The following ATP13A3 variants were observed in gnomAD, a reference collection of about 807,000 sequenced individuals.
The protein encoded by ATP13A3 is ATPase 13A3.
In ATP13A3, 59 loss-of-function variants were observed where a neutral mutation model predicts 158.1. The observed-to-expected ratio is 0.37, with a 90% CI of 0.30 to 0.46. ATP13A3 has a LOEUF of 0.46. Ranked by LOEUF, ATP13A3 falls within the 20% of genes least tolerant of loss-of-function variation. The probability of loss-of-function intolerance (pLI) is 1.00; values close to 1 mark genes in which losing one functional copy is unlikely to be tolerated. For missense variants in ATP13A3, 1,166 were observed against 1,525.2 expected (o/e 0.76, Z 3.92); for synonymous variants, 491 against 504.3 (o/e 0.97, Z 0.35).
At chr3:194,454,438 C>G in intron 8 of ATP13A3, 46 bp from the exon 9 acceptor site, 1 of 1,521,446 alleles carries the variant, frequency 6.6e-7, no homozygotes, top group Non-Finnish European at 9.0e-7. Context: ...GTATTAATGA[C>G]CATACAGATT....
rs141023020 is a variant in ATP13A3, at chr3:194,408,165, A to G, written c.3574-2049T>C. ...CTCCCAAGTAGCTGGGACTACAGGCACGCGCCACCACGCCCGGCTAATTTT... is the reference window on the plus strand; with the variant it reads ...CTCCCAAGTAGCTGGGACTACAGGCGCGCGCCACCACGCCCGGCTAATTTT... On this transcript the variant is annotated intron_variant, in intron 33 of 33. Transcript: ENST00000645319. Among the ~76,000 whole-genome samples, 1,024 of 151,984 alleles carry G rather than the reference A, an allele frequency of 6.7e-3. 12 individuals carry two copies. Among genetic ancestry groups the G allele is most frequent in the African/African-American group, 0.023 (970 of 41,452 alleles).
At chr3:194,412,490 G>A in intron 32 of ATP13A3, 1 of 534,066 alleles carries the variant, frequency 1.9e-6, no homozygotes, top group Non-Finnish European at 3.4e-6. Flanking sequence ...TAAAATTCTT[G>A]ATAAAATGAG....
chr3:194,466,546 T>C (rs2109000430), intron 2 of ATP13A3, among the ~76,000 whole-genome samples: 1 of 152,324 alleles, frequency 6.6e-6, no homozygotes, highest in East Asian at 1.9e-4. Context: ...AACCCATCTT[T>C]ATTGACCAGG....
At chr3:194,483,439 A>AAAAAAAAAAAAC (rs1720839394) in intron 2 of ATP13A3, among the ~76,000 whole-genome samples, 1 of 151,410 alleles carries the variant, frequency 6.6e-6, no homozygotes, top group African/African-American at 2.4e-5. Context: ...AAAAAAAAAA[A>AAAAAAAAAAAAC]ACTAGCTGGG....
intron 15 of ATP13A3, among the ~76,000 whole-genome samples, chr3:194,443,279 T>G (rs1460035080): frequency 6.6e-6 from 1 of 152,112 alleles, no homozygotes; most frequent in Non-Finnish European, 1.5e-5. Context: ...AGGGGAGTGG[T>G]TAAAAGGCAG....
chr3:194,444,433 T>C (rs777996873), intron 15 of ATP13A3, among the ~76,000 whole-genome samples: 9 of 152,194 alleles, frequency 5.9e-5, no homozygotes, highest in Non-Finnish European at 1.0e-4. Flanking sequence ...ATGTACAGTA[T>C]ATCATTCATG....
intron 2 of ATP13A3, among the ~76,000 whole-genome samples, chr3:194,478,581 G>C (rs746081335): frequency 2.0e-5 from 3 of 152,176 alleles, no homozygotes; most frequent in Non-Finnish European, 4.4e-5. Flanking sequence ...CGGGGTGATA[G>C]CCTTTGAGGA....
intron 32 of ATP13A3, 60 bp downstream of exon 32, chr3:194,413,699 A>G (rs1715604416): frequency 1.4e-6 from 2 of 1,443,162 alleles, no homozygotes; most frequent in Middle Eastern, 1.7e-4. Context: ...CCCATTTACC[A>G]TTAAATCACC....
intron 2 of ATP13A3, among the ~76,000 whole-genome samples, chr3:194,484,511 C>G (rs972808371): frequency 6.6e-6 from 1 of 152,126 alleles, no homozygotes; most frequent in African/African-American, 2.4e-5. Flanking sequence ...GATATACAAC[C>G]TACTCAATGG....
intron 17 of ATP13A3, 136 bp from the exon 18 acceptor site, chr3:194,437,709 C>T: frequency 1.1e-6 from 1 of 899,296 alleles, no homozygotes; most frequent in Non-Finnish European, 1.7e-6. Context: ...AGTCAGGATT[C>T]AAGATTCCTT....
intron 27 of ATP13A3, 25 bp from the exon 28 acceptor site, chr3:194,428,942 T>C (rs1282754285): frequency 6.8e-7 from 1 of 1,463,492 alleles, no homozygotes; most frequent in Non-Finnish European, 9.4e-7. Context: ...TTAAAAACAT[T>C]ATTAGTTTTT....
At chr3:194,422,619 TCAGCTTGTGG>T (rs1716472335) in intron 30 of ATP13A3, among the ~76,000 whole-genome samples, 1 of 152,124 alleles carries the variant, frequency 6.6e-6, no homozygotes, top group Admixed American at 6.6e-5. Context: ...GAAATATTTT[TCAGCTTGTGG>T]CAACATATGA....
chr3:194,428,231 A>AAAAAAAAAAAAAAAAG (rs557252872), intron 28 of ATP13A3, among the ~76,000 whole-genome samples: 17 of 141,784 alleles, frequency 1.2e-4, no homozygotes, highest in African/African-American at 2.0e-4. Context: ...AAAAAAAAAA[A>AAAAAAAAAAAAAAAAG]AAAAAAGAAA....
chr3:194,483,438 A>AAAAAAAAAAC (rs1720839170), intron 2 of ATP13A3, among the ~76,000 whole-genome samples: 1 of 151,514 alleles, frequency 6.6e-6, no homozygotes, highest in South Asian at 2.1e-4. Flanking sequence ...AAAAAAAAAA[A>AAAAAAAAAAC]AACTAGCTGG....
intron 21 of ATP13A3, 100 bp downstream of exon 21, chr3:194,433,672 G>T: frequency 6.9e-7 from 1 of 1,439,930 alleles, no homozygotes. Flanking sequence ...AACCACTATA[G>T]ACTATATAAT....
chr3:194,403,851 A>C lies in ATP13A3; in HGVS notation c.*2068T>G. 1 of 257,340 alleles carries C rather than the reference A, an allele frequency of 3.9e-6. No individual in the cohort carries two copies. Among genetic ancestry groups the C allele is most frequent in the Non-Finnish European group, 7.6e-6 (1 of 131,110 alleles). The allele number at this position is 257,340 out of a possible 1,614,324, so 15.9% of individuals were successfully genotyped here. The stretch of plus-strand genomic sequence containing the variant: ...GCTTTTCCAGCCACCTAAACACCTC[A>C]TTCCTTTGAAAACAATATGGACAGA... On this transcript the variant is annotated 3_prime_UTR_variant, in exon 34 of 34. Transcript: ENST00000645319.
At chr3:194,472,464 G>C (rs1207303189) in intron 2 of ATP13A3, among the ~76,000 whole-genome samples, 1 of 152,080 alleles carries the variant, frequency 6.6e-6, no homozygotes, top group Admixed American at 6.6e-5. Context: ...TGGCCTGCTG[G>C]TACACTCTTT....
chr3:194,461,046 T>C (rs1719620532), intron 3 of ATP13A3, among the ~76,000 whole-genome samples: 1 of 152,230 alleles, frequency 6.6e-6, no homozygotes, highest in Admixed American at 6.5e-5. Flanking sequence ...ATTTACACTT[T>C]GATTTTATAT....
At position 194,437,138 on chromosome 3, in the gene ATP13A3, A is replaced by G. The variant is rs781381254; in HGVS notation, c.2077T>C (p.Leu693=). 6.2e-6 allele frequency: 10 copies of G among 1,614,030 alleles called. No individual in the cohort carries two copies. The Admixed American group carries it at 1.7e-4, about 27-fold the overall frequency. ...TTATGCCATGTCAGTTTTGACTCCA[A>G]TTTTCTGTGTGCAAGAGCAATCACA... ...FRVIALAHRK[L]ESKLTWHKVQ... is the part of the protein sequence containing the mutation. The change falls in exon 20 of 34, where the codon TTG becomes CTG. Residue 693 remains leucine (L), a synonymous_variant. Coordinates refer to ENST00000645319, the MANE Select transcript of ATP13A3 (RefSeq NM_001367549.1).
Sources: allele counts gnomAD v4.1 joint callset (sites outside exome capture counted in the v4.1 genomes callset), GRCh38; gene constraint gnomAD v4.1.1; transcripts MANE v1.5; gene names NCBI Gene and HGNC (gene_info 2026-07-23, HGNC 2026-07-21).